The following EIF4G3 variants were observed in gnomAD, a reference collection of about 807,000 sequenced individuals.
EIF4G3 encodes the protein eIF-4-gamma 3.
In EIF4G3, 34 loss-of-function variants were observed where a neutral mutation model predicts 186.4. The ratio of observed to expected loss-of-function variants is 0.18; its 90% confidence interval spans 0.14 to 0.24. The LOEUF (loss-of-function observed/expected upper bound fraction) is 0.24. Among genes scored for constraint, EIF4G3 ranks in the 10% least tolerant of loss-of-function variants. The pLI is 1.00. For synonymous variants in EIF4G3, 673 were observed against 679.5 expected (o/e 0.99, Z 0.15); for missense variants, 1,536 against 1,948.5 (o/e 0.79, Z 3.99).
At chr1:20,869,032 C>A (rs1016633195) in intron 20 of EIF4G3, among the ~76,000 whole-genome samples, 6 of 152,116 alleles carry the variant, frequency 3.9e-5, no homozygotes, top group Non-Finnish European at 8.8e-5. Flanking sequence ...TCTAGAGAAT[C>A]ATCAAGGGTT....
intron 2 of EIF4G3, among the ~76,000 whole-genome samples, chr1:21,170,654 G>C (rs1389612177): frequency 6.6e-6 from 1 of 152,016 alleles, no homozygotes; most frequent in Non-Finnish European, 1.5e-5. Flanking sequence ...CTGGGCGACA[G>C]AGACTCTGTC....
At chr1:21,038,367 G>A (rs1212283488) in intron 4 of EIF4G3, among the ~76,000 whole-genome samples, 11 of 152,180 alleles carry the variant, frequency 7.2e-5, no homozygotes, top group Admixed American at 5.9e-4. Flanking sequence ...ATTCTACAAT[G>A]TCTGCAATGC....
chr1:20,846,885 A>G (rs2071271109), intron 29 of EIF4G3, among the ~76,000 whole-genome samples: 1 of 152,208 alleles, frequency 6.6e-6, no homozygotes, highest in African/African-American at 2.4e-5. Context: ...ATATAGGTAT[A>G]AGAACTTGGC....
chr1:20,961,340 A>G (rs1018656089), intron 12 of EIF4G3, among the ~76,000 whole-genome samples: 12 of 152,268 alleles, frequency 7.9e-5, no homozygotes, highest in African/African-American at 2.9e-4. Context: ...CCAAGATTGC[A>G]CAACTGCACT....
intron 2 of EIF4G3, among the ~76,000 whole-genome samples, chr1:21,137,436 G>C (rs934555743): frequency 6.6e-6 from 1 of 151,838 alleles, no homozygotes; most frequent in Non-Finnish European, 1.5e-5. Context: ...CACTGCACCT[G>C]GTCTCAAATT....
At chr1:21,058,992 T>C (rs1246729561) in intron 3 of EIF4G3, among the ~76,000 whole-genome samples, 1 of 151,990 alleles carries the variant, frequency 6.6e-6, no homozygotes, top group Non-Finnish European at 1.5e-5. Flanking sequence ...CTATATATTT[T>C]ATATAATATG....
At chr1:21,060,999 A>C (rs1310329869) in intron 3 of EIF4G3, among the ~76,000 whole-genome samples, 1 of 152,172 alleles carries the variant, frequency 6.6e-6, no homozygotes. Context: ...AAAAGAGACT[A>C]AAATCCCTGC....
At chr1:20,927,664 G>A (rs950592601) in intron 14 of EIF4G3, among the ~76,000 whole-genome samples, 3 of 152,148 alleles carry the variant, frequency 2.0e-5, no homozygotes, top group Non-Finnish European at 4.4e-5. Context: ...GTTGAAGGAA[G>A]AGTTACAGAG....
At chr1:20,973,193 A>C in intron 10 of EIF4G3, 94 bp from the exon 11 acceptor site, 1 of 889,764 alleles carries the variant, frequency 1.1e-6, no homozygotes, top group South Asian at 1.6e-5. Flanking sequence ...AATCCCCTTA[A>C]AAGGGTAAAA....
chr1:20,922,284 T>G (rs2094537933), intron 14 of EIF4G3, among the ~76,000 whole-genome samples: 1 of 152,182 alleles, frequency 6.6e-6, no homozygotes, highest in East Asian at 1.9e-4. Context: ...ATGAGAATGA[T>G]TCTACTACTA....
chr1:21,091,806 T>C (rs1219070619), intron 2 of EIF4G3, among the ~76,000 whole-genome samples: 1 of 152,198 alleles, frequency 6.6e-6, no homozygotes, highest in East Asian at 1.9e-4. Flanking sequence ...CTGTCATTGG[T>C]ATATAAGAAT....
intron 30 of EIF4G3, among the ~76,000 whole-genome samples, chr1:20,834,687 T>A (rs756943311): frequency 6.6e-6 from 1 of 152,130 alleles, no homozygotes; most frequent in Admixed American, 6.5e-5. Flanking sequence ...TAAGAGGATA[T>A]AACAGTTATA....
intron 3 of EIF4G3, among the ~76,000 whole-genome samples, chr1:21,070,182 A>G (rs2095402043): frequency 6.6e-6 from 1 of 152,218 alleles, no homozygotes; most frequent in Non-Finnish European, 1.5e-5. Context: ...TGATTGAATC[A>G]GGATAGAATT....
chr1:20,939,371 T>C (rs1224141122), intron 14 of EIF4G3, among the ~76,000 whole-genome samples: 1 of 152,204 alleles, frequency 6.6e-6, no homozygotes, highest in African/African-American at 2.4e-5. Flanking sequence ...CTGAAGAGTC[T>C]ATACTCTTTG....
chr1:21,123,471 C>T (rs553098542), intron 2 of EIF4G3, among the ~76,000 whole-genome samples: 17 of 149,672 alleles, frequency 1.1e-4, no homozygotes, highest in African/African-American at 3.9e-4. Context: ...GGCTGAGGCA[C>T]GAGATATCGC....
intron 20 of EIF4G3, among the ~76,000 whole-genome samples, chr1:20,878,666 T>C (rs960269609): frequency 2.0e-5 from 3 of 152,152 alleles, no homozygotes; most frequent in Non-Finnish European, 4.4e-5. Context: ...AGGACAGACA[T>C]TTCTGACACA....
At chr1:21,051,051 A>G in intron 3 of EIF4G3, 57 bp from the exon 4 acceptor site, 1 of 713,074 alleles carries the variant, frequency 1.4e-6, no homozygotes, top group Non-Finnish European at 2.6e-6. Context: ...ATCTTAATAA[A>G]TACAGCTGAA....
intron 3 of EIF4G3, among the ~76,000 whole-genome samples, chr1:21,066,868 T>C (rs369415757): frequency 6.6e-6 from 1 of 152,244 alleles, no homozygotes; most frequent in African/African-American, 2.4e-5. Context: ...GTGGTCCATA[T>C]CAGTTGTTTT....
chr1:20,971,582 A>T (rs554704249), intron 11 of EIF4G3, among the ~76,000 whole-genome samples: 279 of 152,324 alleles, frequency 1.8e-3, no homozygotes, highest in African/African-American at 6.5e-3. Context: ...ATGCACAAGT[A>T]ATTTGTTTCT....
Sources: gnomAD v4.1 joint callset for allele counts (sites outside exome capture counted in the v4.1 genomes callset) on GRCh38, gnomAD v4.1.1 for gene constraint, MANE v1.5 for transcripts, NCBI Gene and HGNC (gene_info 2026-07-23, HGNC 2026-07-21) for gene names.